KLHDC4: variants seen among roughly 807,000 people sequenced by gnomAD.
The protein encoded by KLHDC4 is kelch domain containing 4.
In KLHDC4, 90 loss-of-function variants were observed where a neutral mutation model predicts 62.4. That is an observed-to-expected ratio of 1.44 (90% confidence interval 1.22 to 1.72). The LOEUF (loss-of-function observed/expected upper bound fraction) is 1.72, where lower values mean the gene tolerates loss of function less well. Ranked by LOEUF, KLHDC4 falls within the 40% of genes most tolerant of loss-of-function variation. The pLI, the probability that KLHDC4 is intolerant of heterozygous loss-of-function variation, is 0.00. For missense variants in KLHDC4, 1,025 were observed against 699.7 expected (o/e 1.47, Z -5.25); for synonymous variants, 386 against 284.4 (o/e 1.36, Z -3.59).
In KLHDC4 at chr16:87,748,780, C is replaced by T; in HGVS notation, c.399G>A (p.Gln133=). ...QAVVVPQGGG[Q]LWVFGGEFAS... is the part of the protein sequence containing the mutation. The stretch of plus-strand genomic sequence containing the variant: ...CAAACTCCCCTCCAAAGACCCACAG[C>T]TGTCCGCCACCTTGAGGCACTACCA... Residue 133 remains glutamine, a synonymous_variant, in exon 5 of 12, where the codon CAG becomes CAA. Transcript: ENST00000270583. 3 of 1,613,242 alleles carry T rather than the reference C, an allele frequency of 1.9e-6. No individual in the cohort carries two copies. The highest frequency in any genetic ancestry group is 2.5e-6 in the Non-Finnish European group (3 of 1,179,834).
chr16:87,747,956 G>T (rs2143042937), intron 5 of KLHDC4, among the ~76,000 whole-genome samples: 1 of 152,342 alleles, frequency 6.6e-6, no homozygotes, highest in Non-Finnish European at 1.5e-5. Context: ...GAGAGATGGT[G>T]TGCGTAATGG....
At chr16:87,735,781 A>G (rs1289520572) in intron 5 of KLHDC4, among the ~76,000 whole-genome samples, 2 of 152,160 alleles carry the variant, frequency 1.3e-5, no homozygotes, top group Non-Finnish European at 2.9e-5. Flanking sequence ...AGCACAAAAT[A>G]CAGGGGAATG....
At chr16:87,718,699 T>G (rs1597452456) in intron 7 of KLHDC4, among the ~76,000 whole-genome samples, 1 of 146,808 alleles carries the variant, frequency 6.8e-6, no homozygotes, top group African/African-American at 2.6e-5. Flanking sequence ...GTCTGGGATG[T>G]GAGGAGCCCC....
chr16:87,706,039 G>T (rs977984619), downstream of KLHDC4, among the ~76,000 whole-genome samples: 2 of 151,430 alleles, frequency 1.3e-5, no homozygotes, highest in African/African-American at 4.9e-5. Flanking sequence ...ACAACCTGCA[G>T]CCTGAGGGGA....
chr16:87,746,272 G>C (rs2043016958), intron 5 of KLHDC4, among the ~76,000 whole-genome samples: 1 of 151,412 alleles, frequency 6.6e-6, no homozygotes. Flanking sequence ...TTTGTCTCTT[G>C]AAGAAGGAAG....
exon 1 of KLHDC4, chr16:87,702,269 G>A (rs772280511): frequency 6.6e-5 from 30 of 456,228 alleles, no homozygotes; most frequent in South Asian, 3.3e-4. Context: ...GTCCATAAAG[G>A]GCAGCCACTG....
At chr16:87,725,604 C>A (rs144623100) in intron 7 of KLHDC4, among the ~76,000 whole-genome samples, 82 of 152,318 alleles carry the variant, frequency 5.4e-4, no homozygotes, top group African/African-American at 1.7e-3. Flanking sequence ...GATACTACTT[C>A]ATACCTCTCA....
intron 5 of KLHDC4, among the ~76,000 whole-genome samples, chr16:87,743,390 C>T (rs186564387): frequency 2.6e-5 from 4 of 152,242 alleles, no homozygotes; most frequent in African/African-American, 7.2e-5. Context: ...CCACTGCACC[C>T]GGCCTGGACT....
Position 87,760,232 on chromosome 16 carries a change from A to AT in KLHDC4, c.191+1716dup, listed in dbSNP as rs556380272. Among the ~76,000 whole-genome samples, 654 of 149,348 alleles carry AT rather than the reference A, an allele frequency of 4.4e-3. 5 individuals are homozygous for AT. Among genetic ancestry groups the AT allele is most frequent in the Middle Eastern group, 0.014 (4 of 292 alleles). On this transcript the variant is annotated intron_variant, in intron 2 of 11. Transcript: ENST00000270583. Reference sequence around the variant, plus strand: ...ACTTATGGAAAAATTCTAAAATATCATTAAAAAAAAAAAAAAAGAAAAAGG... The same window carrying AT: ...ACTTATGGAAAAATTCTAAAATATCATTTAAAAAAAAAAAAAAAGAAAAAGG...
chr16:87,734,882 C>G (rs931693958), intron 5 of KLHDC4, among the ~76,000 whole-genome samples: 1 of 152,066 alleles, frequency 6.6e-6, no homozygotes, highest in Admixed American at 6.6e-5. Context: ...AGAAGAAAAC[C>G]CCACACATGC....
chr16:87,711,765 T>C (rs564783096), intron 8 of KLHDC4, among the ~76,000 whole-genome samples: 36 of 151,358 alleles, frequency 2.4e-4, no homozygotes, highest in African/African-American at 8.8e-4. Context: ...ACAGAGGGGC[T>C]TCTGTGGGGA....
intron 4 of KLHDC4, chr16:87,750,874 C>T (rs1029652109): frequency 6.6e-6 from 1 of 152,246 alleles, no homozygotes; most frequent in Non-Finnish European, 1.5e-5. Flanking sequence ...AGAGGACTTA[C>T]CTGTAAAGGG....
Position 87,708,246 on chromosome 16 carries a change from T to C in KLHDC4, c.*1+104A>G, listed in dbSNP as rs2142900478. Reference sequence around the variant, plus strand: ...CAAATTACTCCACACACCAACGTTTTTAAAAAATTTACAAAGCTGAATTCC... The same window carrying C: ...CAAATTACTCCACACACCAACGTTTCTAAAAAATTTACAAAGCTGAATTCC... On this transcript the variant is annotated intron_variant, in intron 11 of 11. Coordinates refer to ENST00000270583, the MANE Select transcript of KLHDC4 (RefSeq NM_017566.4). The C allele has an allele frequency of 3.7e-6, 3 of 816,720 alleles. No individual in the cohort carries two copies. In the South Asian group the frequency reaches 5.2e-5, roughly 14 times the overall value. 50.6% of individuals were successfully genotyped at this position (816,720 alleles called of 1,614,324 possible). A position where few individuals can be genotyped will look rare whatever the true frequency, so the allele number is the denominator to read the frequency against.
At chr16:87,737,616 C>G (rs1346360590) in intron 5 of KLHDC4, among the ~76,000 whole-genome samples, 8 of 144,456 alleles carry the variant, frequency 5.5e-5, no homozygotes, top group African/African-American at 2.1e-4. Context: ...TTGAGACAGT[C>G]TCGCTCTGTC....
intron 8 of KLHDC4, among the ~76,000 whole-genome samples, chr16:87,713,131 G>A (rs1230156444): frequency 6.6e-6 from 1 of 152,188 alleles, no homozygotes; most frequent in African/African-American, 2.4e-5. Context: ...TCCTGGGCTA[G>A]AACAATCCTC....
chr16:87,753,805 G>T (rs931733094), intron 4 of KLHDC4, among the ~76,000 whole-genome samples: 3 of 120,980 alleles, frequency 2.5e-5, no homozygotes, highest in Non-Finnish European at 5.0e-5. Context: ...CCATCTCAAG[G>T]AGAAAAAAAA....
At chr16:87,723,438 A>C (rs2038803195) in intron 7 of KLHDC4, among the ~76,000 whole-genome samples, 1 of 152,270 alleles carries the variant, frequency 6.6e-6, no homozygotes, top group Non-Finnish European at 1.5e-5. Context: ...GATACAGCTT[A>C]GCCGGTCTGG....
At chr16:87,730,672 A>G in intron 5 of KLHDC4, 28 bp from the exon 6 acceptor site, 1 of 1,570,626 alleles carries the variant, frequency 6.4e-7, no homozygotes, top group Non-Finnish European at 8.7e-7. Flanking sequence ...AAAAGACACT[A>G]TCAACCTGCT....
At chr16:87,745,202 C>T (rs939150663) in intron 5 of KLHDC4, among the ~76,000 whole-genome samples, 3 of 152,228 alleles carry the variant, frequency 2.0e-5, no homozygotes, top group African/African-American at 7.2e-5. Context: ...CCTCACCCTA[C>T]ACCCATATTG....
Sources: gnomAD v4.1 joint callset for allele counts (sites outside exome capture counted in the v4.1 genomes callset) on GRCh38, gnomAD v4.1.1 for gene constraint, MANE v1.5 for transcripts, NCBI Gene and HGNC (gene_info 2026-07-23, HGNC 2026-07-21) for gene names.